The following KRABD2 variants were observed in gnomAD, a reference collection of about 807,000 sequenced individuals.
The protein encoded by KRABD2 is KRAB domain-containing protein 2.
chr17:8,363,863 T>A, the KRABD2 span, among the ~76,000 whole-genome samples: 8,024 of 52,670 alleles, frequency 0.15, 361 homozygotes, highest in Non-Finnish European at 0.17. Context: ...ATATATATAT[T>A]TATTTATTTA....
At chr17:8,371,732 G>C in the KRABD2 span, 1 of 1,305,256 alleles carries the variant, frequency 7.7e-7, no homozygotes, top group South Asian at 2.6e-5. Flanking sequence ...ATAAAGCAGA[G>C]TCCAAGTGAA....
the KRABD2 span, chr17:8,369,087 C>G: frequency 2.6e-6 from 4 of 1,555,244 alleles, no homozygotes; most frequent in Admixed American, 8.1e-5. Context: ...TCTCAGATGA[C>G]TATGCTCAGA....
chr17:8,373,751 C>T, the KRABD2 span: 54 of 170,382 alleles, frequency 3.2e-4, no homozygotes, highest in East Asian at 7.9e-3. Flanking sequence ...AGCCGCCCAT[C>T]GTCTGAGATG....
the KRABD2 span, among the ~76,000 whole-genome samples, chr17:8,372,273 CTTTCT>C: frequency 1.3e-5 from 2 of 152,190 alleles, no homozygotes; most frequent in Admixed American, 6.5e-5. This position sits in a 1 kb window ranked among gnomAD's most constrained non-coding sequence, Gnocchi z 4.1. Flanking sequence ...TTAATAACAA[CTTTCT>C]TTTGAGAGGA....
At chr17:8,375,236 C>T in the KRABD2 span, among the ~76,000 whole-genome samples, 8 of 152,118 alleles carry the variant, frequency 5.3e-5, no homozygotes, top group Non-Finnish European at 8.8e-5. Flanking sequence ...TGGTCTCGAT[C>T]TCCTGACCTC....
chr17:8,373,886 C>T, the KRABD2 span: 21 of 154,868 alleles, frequency 1.4e-4, no homozygotes, highest in South Asian at 3.4e-4. Flanking sequence ...AGGTGAGGAG[C>T]GTCTCTGCCC....
chr17:8,365,274 A>T, the KRABD2 span, among the ~76,000 whole-genome samples: 1 of 152,148 alleles, frequency 6.6e-6, no homozygotes, highest in Non-Finnish European at 1.5e-5. Flanking sequence ...GTTATGGCTC[A>T]TGTGTCACCT....
At chr17:8,362,635 C>A in the KRABD2 span, among the ~76,000 whole-genome samples, 3 of 152,204 alleles carry the variant, frequency 2.0e-5, no homozygotes, top group Admixed American at 2.0e-4. The surrounding 1 kb of genome is among the most constrained non-coding windows in gnomAD (Gnocchi z 4.2). Context: ...TTGGCCAGGG[C>A]TTGTCTCTGT....
the KRABD2 span, among the ~76,000 whole-genome samples, chr17:8,365,903 G>A: frequency 1.3e-5 from 2 of 152,056 alleles, no homozygotes; most frequent in East Asian, 1.9e-4. Flanking sequence ...CAAGACAGGC[G>A]GATCATGAGG....
the KRABD2 span, chr17:8,371,590 T>A: frequency 6.6e-7 from 1 of 1,524,484 alleles, no homozygotes; most frequent in Non-Finnish European, 8.8e-7. Flanking sequence ...AAATAAGAAA[T>A]AGGTCTCACA....
At chr17:8,371,681 G>T in the KRABD2 span, 1 of 1,403,990 alleles carries the variant, frequency 7.1e-7, no homozygotes, top group Non-Finnish European at 9.3e-7. Flanking sequence ...GGCCAGTTTT[G>T]ACGCTGCCAG....
chr17:8,364,615 T>G, the KRABD2 span, among the ~76,000 whole-genome samples: 1 of 152,144 alleles, frequency 6.6e-6, no homozygotes, highest in Admixed American at 6.5e-5. The surrounding 1 kb of genome is among the most constrained non-coding windows in gnomAD (Gnocchi z 4.4). Flanking sequence ...GTCTCCTCAT[T>G]TGCTGCTGTG....
the KRABD2 span, chr17:8,376,099 T>C: frequency 1.6e-6 from 2 of 1,231,576 alleles, no homozygotes; most frequent in Non-Finnish European, 1.0e-6. Flanking sequence ...TTCAGATATA[T>C]ACAACCTATA....
the KRABD2 span, among the ~76,000 whole-genome samples, chr17:8,363,826 CATACATATATAT>C: frequency 7.4e-5 from 4 of 54,158 alleles, no homozygotes; most frequent in South Asian, 6.2e-4. Context: ...ATATATATAT[CATACATATATAT>C]ATATATATAT....
the KRABD2 span, among the ~76,000 whole-genome samples, chr17:8,367,366 G>T: frequency 4.6e-5 from 7 of 151,966 alleles, no homozygotes; most frequent in African/African-American, 1.7e-4. Context: ...GTTCGTGGGG[G>T]TGCGTGCCTG....
At chr17:8,361,491 C>G in the KRABD2 span, among the ~76,000 whole-genome samples, 6 of 152,170 alleles carry the variant, frequency 3.9e-5, no homozygotes, top group Non-Finnish European at 8.8e-5. Flanking sequence ...AGACCTGATG[C>G]CTTAATTCCA....
the KRABD2 span, among the ~76,000 whole-genome samples, chr17:8,372,328 T>G: frequency 6.6e-6 from 1 of 152,220 alleles, no homozygotes; most frequent in South Asian, 2.1e-4. The surrounding 1 kb of genome is among the most constrained non-coding windows in gnomAD (Gnocchi z 4.1). Flanking sequence ...ATAAGACACA[T>G]CCAAAATTTA....
the KRABD2 span, chr17:8,369,012 G>T: frequency 7.0e-7 from 1 of 1,432,170 alleles, no homozygotes; most frequent in South Asian, 1.5e-5. Flanking sequence ...AGCAAGGACT[G>T]CCATGTACAA....
At chr17:8,376,034 A>G in the KRABD2 span, 1 of 1,231,554 alleles carries the variant, frequency 8.1e-7, no homozygotes. Flanking sequence ...CCTTCATCTC[A>G]ACAACCTGTA....
Sources: allele counts gnomAD v4.1 joint callset (sites outside exome capture counted in the v4.1 genomes callset), GRCh38; gene constraint gnomAD v4.1.1; non-coding constraint Gnocchi (gnomAD v3.1); transcripts MANE v1.5; gene names NCBI Gene and HGNC (gene_info 2026-07-23, HGNC 2026-07-21).